VRTN: variants seen among roughly 807,000 people sequenced by gnomAD.
VRTN encodes vertnin.
In VRTN, 5 loss-of-function variants were observed where a neutral mutation model predicts 18.2. That is an observed-to-expected ratio of 0.27 (90% CI 0.14 to 0.58). The LOEUF is 0.58. Ranked by LOEUF, VRTN falls within the 20% of genes least tolerant of loss-of-function variation. The pLI is 0.91. For missense variants in VRTN, 741 were observed against 939.4 expected, an observed-to-expected ratio of 0.79 and a Z score of 2.76; for synonymous variants, 381 against 393.7, an observed-to-expected ratio of 0.97 and a Z score of 0.38.
rs1199708459 is a variant in VRTN at position 74,357,848 on chromosome 14, G to A, written c.1065G>A (p.Leu355=). 1.9e-6 allele frequency: 3 copies of A among 1,613,806 alleles called. No individual in the cohort carries two copies. Among genetic ancestry groups the A allele is most frequent in the South Asian group, 1.1e-5 (1 of 91,078 alleles). Residue 355 remains leucine (L), a synonymous_variant, in exon 2 of 2, where the codon CTG becomes CTA. Transcript: ENST00000256362. This position sits in a 1 kb window ranked among gnomAD's most constrained non-coding sequence, Gnocchi z 7.8. ...STYYAWKHEL[L]GSGTCPALPP... ...ACTATGCCTGGAAGCATGAGCTGCT[G>A]GGCTCTGGCACCTGCCCGGCCTTGC... is the stretch of plus-strand genomic sequence containing the variant.
chr14:74,308,816 C>T (rs1353388297), intron 1 of VRTN, among the ~76,000 whole-genome samples: 3 of 151,960 alleles, frequency 2.0e-5, no homozygotes, highest in Admixed American at 1.3e-4. Context: ...GCACCCTGCT[C>T]TTCAAGGCTT....
intron 2 of VRTN, among the ~76,000 whole-genome samples, chr14:74,340,553 C>CCAA (rs2085598066): frequency 6.6e-6 from 1 of 151,924 alleles, no homozygotes; most frequent in East Asian, 1.9e-4. Context: ...AATGAGAAGC[C>CCAA]TTTTGAGTTT....
intron 1 of VRTN, among the ~76,000 whole-genome samples, chr14:74,314,394 CTTTT>C (rs10676222): frequency 9.2e-6 from 1 of 108,812 alleles, no homozygotes; most frequent in Admixed American, 1.1e-4. Context: ...AAAAACTGTT[CTTTT>C]TTTTTTTTTT....
At position 74,330,709 on chromosome 14, in the gene VRTN, G is replaced by A. The variant is rs569689086; in HGVS notation, c.-163-7014G>A. 1.1e-3 allele frequency among the ~76,000 whole-genome samples: 169 copies of A among 151,850 alleles called. 1 individual carries two copies. The highest frequency in any genetic ancestry group is 2.2e-4 in the Non-Finnish European group (15 of 67,914). ...GCCTGCCTCAGCCTCCCAAAGTGCT[G>A]GGATTACAGGCGTGAGCCACCGCGC... On this transcript the variant is annotated intron_variant, in intron 1 of 2. Coordinates refer to the VRTN transcript ENST00000557177.
intron 1 of VRTN, among the ~76,000 whole-genome samples, chr14:74,329,253 C>T (rs1255257008): frequency 2.0e-5 from 3 of 148,438 alleles, no homozygotes; most frequent in Non-Finnish European, 4.4e-5. Context: ...CCAGCCTGGG[C>T]GACAAGAGCA....
chr14:74,310,533 GTT>G (rs71449187), intron 1 of VRTN, among the ~76,000 whole-genome samples: 21 of 124,030 alleles, frequency 1.7e-4, no homozygotes, highest in South Asian at 2.8e-4. Flanking sequence ...TGCTGCCTCT[GTT>G]TTTTTTTTTT....
intron 1 of VRTN, among the ~76,000 whole-genome samples, chr14:74,306,963 C>T (rs1317333820): frequency 6.6e-6 from 1 of 151,838 alleles, no homozygotes; most frequent in African/African-American, 2.4e-5. Flanking sequence ...TATTGTCCTC[C>T]AAGCTATTGT....
chr14:74,356,758 G>T, intron 1 of VRTN, 25 bp from the exon 2 acceptor site: 1 of 1,557,452 alleles, frequency 6.4e-7, no homozygotes, highest in Non-Finnish European at 8.7e-7. Context: ...CCTGACTACT[G>T]CCCCTTTATC....
At chr14:74,319,985 A>G (rs1377060052) in intron 1 of VRTN, among the ~76,000 whole-genome samples, 5 of 152,210 alleles carry the variant, frequency 3.3e-5, no homozygotes. Flanking sequence ...ACGGTGGCTC[A>G]TGCCTGTAAT....
chr14:74,350,205 C>T (rs1050734284), intron 1 of VRTN, among the ~76,000 whole-genome samples: 5 of 152,186 alleles, frequency 3.3e-5, no homozygotes, highest in African/African-American at 1.2e-4. Flanking sequence ...CCACACGGCC[C>T]TATTCTCTGG....
chr14:74,332,281 T>C (rs2085531145), intron 1 of VRTN, among the ~76,000 whole-genome samples: 1 of 147,420 alleles, frequency 6.8e-6, no homozygotes, highest in Non-Finnish European at 1.5e-5. Flanking sequence ...CTGTGTTTTC[T>C]GGCCTGGCAG....
At chr14:74,309,710 A>G (rs1447762443) in intron 1 of VRTN, among the ~76,000 whole-genome samples, 1 of 152,132 alleles carries the variant, frequency 6.6e-6, no homozygotes, top group Non-Finnish European at 1.5e-5. Flanking sequence ...AAGTAAATAA[A>G]TAAAATTTTA....
At chr14:74,341,194 G>T (rs2140206773) in intron 2 of VRTN, among the ~76,000 whole-genome samples, 1 of 152,282 alleles carries the variant, frequency 6.6e-6, no homozygotes, top group Middle Eastern at 3.4e-3. Flanking sequence ...TATTAGACCA[G>T]TGCTAAGAAT....
At chr14:74,314,265 G>A (rs1176796257) in intron 1 of VRTN, among the ~76,000 whole-genome samples, 1 of 152,018 alleles carries the variant, frequency 6.6e-6, no homozygotes, top group Non-Finnish European at 1.5e-5. Flanking sequence ...CCCAGTAGCT[G>A]GAGTTGCAGG....
intron 1 of VRTN, among the ~76,000 whole-genome samples, chr14:74,322,144 C>G (rs925059171): frequency 9.4e-5 from 14 of 148,654 alleles, no homozygotes; most frequent in South Asian, 4.3e-4. Context: ...CCGTGCCCGG[C>G]TCCCCATATT....
chr14:74,337,998 T>C (rs1054712062), intron 2 of VRTN: 1 of 152,164 alleles, frequency 6.6e-6, no homozygotes, highest in Non-Finnish European at 1.5e-5. Flanking sequence ...AATGGTATAA[T>C]GAACCACTCA....
intron 1 of VRTN, among the ~76,000 whole-genome samples, chr14:74,321,505 C>CTT (rs564056249): frequency 0.014 from 1,832 of 129,078 alleles, 72 homozygotes; most frequent in African/African-American, 0.05. Flanking sequence ...CTTTCATTTG[C>CTT]TTTTTTTTTT....
intron 1 of VRTN, among the ~76,000 whole-genome samples, chr14:74,350,347 G>A (rs1476845673): frequency 6.6e-6 from 1 of 152,042 alleles, no homozygotes. Context: ...ATGAAATTGG[G>A]TGGAGCCGGG....
intron 1 of VRTN, among the ~76,000 whole-genome samples, chr14:74,352,172 TTA>T (rs1362530157): frequency 2.0e-5 from 3 of 148,654 alleles, no homozygotes; most frequent in Non-Finnish European, 4.5e-5. Context: ...TTAATTTTTT[TTA>T]TTTATGTTTT....
Sources: gnomAD v4.1 joint callset for allele counts (sites outside exome capture counted in the v4.1 genomes callset) on GRCh38, gnomAD v4.1.1 for gene constraint, Gnocchi (gnomAD v3.1) non-coding constraint, MANE v1.5 for transcripts, NCBI Gene and HGNC (gene_info 2026-07-23, HGNC 2026-07-21) for gene names.